MICU3: variants seen among roughly 807,000 people sequenced by gnomAD.
MICU3 encodes calcium uptake protein 3, mitochondrial.
Under a neutral mutation model 66.5 loss-of-function variants are expected in MICU3, and 62 were observed. The observed-to-expected ratio is 0.93, with a 90% confidence interval of 0.76 to 1.15. The LOEUF (loss-of-function observed/expected upper bound fraction) is 1.15, where lower values mean the gene tolerates loss of function less well. Among genes scored for constraint, MICU3 ranks in the 50% most tolerant of loss-of-function variants. The pLI, the probability that MICU3 is intolerant of heterozygous loss-of-function variation, is 0.00. For missense variants in MICU3, 779 were observed against 664.4 expected, an observed-to-expected ratio of 1.17 and a Z score of -1.90; for synonymous variants, 308 against 240.7, an observed-to-expected ratio of 1.28 and a Z score of -2.59.
chr8:17,040,080 G>T (rs977204034), intron 1 of MICU3, among the ~76,000 whole-genome samples: 1 of 151,690 alleles, frequency 6.6e-6, no homozygotes, highest in Non-Finnish European at 1.5e-5. Context: ...GCTAATTTTT[G>T]TATTTTTAGT....
At chr8:17,072,250 C>T (rs1002684931) in intron 3 of MICU3, among the ~76,000 whole-genome samples, 3 of 151,988 alleles carry the variant, frequency 2.0e-5, no homozygotes, top group Non-Finnish European at 2.9e-5. Context: ...GAAACAGATC[C>T]AGGTATATAT....
intron 1 of MICU3, among the ~76,000 whole-genome samples, chr8:17,034,705 A>G (rs1171486545): frequency 1.3e-5 from 2 of 152,240 alleles, no homozygotes; most frequent in African/African-American, 4.8e-5. Flanking sequence ...GAGAACTACA[A>G]TTAGAAATGG....
rs892058614 is a variant in MICU3, at chr8:17,082,967, A to C, written c.694+1227A>C. ...ACTGACTAGACTGAGCCAATTTATCAAGACGGGAATTACAACAGAGAAAGA... is the reference window on the plus strand; with the variant it reads ...ACTGACTAGACTGAGCCAATTTATCCAGACGGGAATTACAACAGAGAAAGA... On this transcript the variant is annotated intron_variant, in intron 5 of 14. Transcript: ENST00000318063. Among the ~76,000 whole-genome samples, 6 of 152,246 alleles carry C rather than the reference A, an allele frequency of 3.9e-5. No homozygotes were observed. The East Asian group carries it at 7.7e-4, about 20-fold the overall frequency.
intron 1 of MICU3, among the ~76,000 whole-genome samples, chr8:17,062,662 G>C (rs1056495869): frequency 6.6e-6 from 1 of 152,086 alleles, no homozygotes; most frequent in African/African-American, 2.4e-5. Context: ...TAAAATACGT[G>C]AAAGTATAAT....
chr8:17,038,952 CAAAAAAAA>C (rs57441494), intron 1 of MICU3, among the ~76,000 whole-genome samples: 1 of 120,148 alleles, frequency 8.3e-6, no homozygotes, highest in African/African-American at 2.7e-5. Context: ...GACTCTGTCT[CAAAAAAAA>C]AAAAAAATAA....
chr8:17,103,403 G>A (rs528141534), intron 9 of MICU3, among the ~76,000 whole-genome samples: 1 of 151,852 alleles, frequency 6.6e-6, no homozygotes, highest in East Asian at 1.9e-4. Flanking sequence ...TAAGAGTTCT[G>A]GACAAAAAGC....
At chr8:17,135,083 A>G in the MICU3 span, among the ~76,000 whole-genome samples, 1 of 152,196 alleles carries the variant, frequency 6.6e-6, no homozygotes. Flanking sequence ...TTCCTATAAT[A>G]TGCATACCTA....
chr8:17,054,413 A>C (rs1020977726), intron 1 of MICU3, among the ~76,000 whole-genome samples: 1 of 152,204 alleles, frequency 6.6e-6, no homozygotes, highest in Non-Finnish European at 1.5e-5. Context: ...AGGGAGTTTT[A>C]TATTTTGTTT....
At chr8:17,066,742 T>G (rs1232388508) in intron 2 of MICU3, among the ~76,000 whole-genome samples, 1 of 151,668 alleles carries the variant, frequency 6.6e-6, no homozygotes, top group Non-Finnish European at 1.5e-5. Flanking sequence ...AGAGAGGGTT[T>G]TGCTATGTTT....
At chr8:17,104,654 G>T (rs1292752514) in intron 10 of MICU3, among the ~76,000 whole-genome samples, 163 bp downstream of exon 10, 1 of 151,842 alleles carries the variant, frequency 6.6e-6, no homozygotes, top group Non-Finnish European at 1.5e-5. Context: ...CTACATACCA[G>T]TGGTTATATT....
chr8:17,091,382 T>C (rs74491968), intron 8 of MICU3, among the ~76,000 whole-genome samples: 2,632 of 152,196 alleles, frequency 0.017, 36 homozygotes, highest in Non-Finnish European at 0.028. Context: ...GATCCCTCAA[T>C]TTTTGCAAAT....
At chr8:17,052,809 C>T (rs1330790902) in intron 1 of MICU3, among the ~76,000 whole-genome samples, 2 of 152,122 alleles carry the variant, frequency 1.3e-5, no homozygotes, top group Admixed American at 6.6e-5. Flanking sequence ...TTAAATAAGC[C>T]TGAAGCCATT....
intron 1 of MICU3, among the ~76,000 whole-genome samples, chr8:17,063,146 G>GT (rs1283473806): frequency 6.6e-5 from 10 of 151,982 alleles, no homozygotes; most frequent in African/African-American, 2.4e-4. Context: ...GATATATATG[G>GT]TATAATCCCA....
At chr8:17,124,304 T>G (rs1422855927), downstream of MICU3, among the ~76,000 whole-genome samples, 1 of 152,182 alleles carries the variant, frequency 6.6e-6, no homozygotes, top group Non-Finnish European at 1.5e-5. Context: ...CCTTTGCAGT[T>G]TGCTTGTTTG....
At chr8:17,109,883 G>A (rs73194741) in intron 11 of MICU3, among the ~76,000 whole-genome samples, 18,373 of 152,116 alleles carry the variant, frequency 0.12, 1,457 homozygotes, top group Admixed American at 0.17. Flanking sequence ...TATAATTATT[G>A]TTATTAAGCT....
Position 17,027,513 on chromosome 8 carries a change from C to T in MICU3, c.234C>T (p.Val78=), listed in dbSNP as rs1412463075. Residue 78 remains valine (V), a synonymous_variant, in exon 1 of 15, where the codon GTC becomes GTT. Coordinates refer to ENST00000318063, the MANE Select transcript of MICU3 (RefSeq NM_181723.3). ...CGGCGGCGGCCGGCGGGGGGCTGGTCGGCCTGGTATGCTACCAGCTGTACG... is the reference window on the plus strand; with the variant it reads ...CGGCGGCGGCCGGCGGGGGGCTGGTTGGCCTGGTATGCTACCAGCTGTACG... The part of the protein sequence containing the change: ...SVAAAAGGGL[V]GLVCYQLYGD... 8.6e-6 allele frequency: 11 copies of T among 1,283,122 alleles called. No individual in the cohort carries two copies. Among genetic ancestry groups the T allele is most frequent in the South Asian group, 8.1e-5 (3 of 37,068 alleles). The allele number at this position is 1,283,122 out of a possible 1,614,324, so 79.5% of individuals were successfully genotyped here.
At chr8:17,098,822 T>A (rs1801000652) in intron 9 of MICU3, among the ~76,000 whole-genome samples, 1 of 151,786 alleles carries the variant, frequency 6.6e-6, no homozygotes, top group Non-Finnish European at 1.5e-5. Flanking sequence ...ACTGAATCTT[T>A]TAAGCTTACA....
chr8:17,073,282 C>A (rs1229313043), intron 3 of MICU3, among the ~76,000 whole-genome samples: 2 of 152,146 alleles, frequency 1.3e-5, no homozygotes, highest in Non-Finnish European at 2.9e-5. Context: ...AGCCACTCTC[C>A]ATCACTCATT....
intron 1 of MICU3, among the ~76,000 whole-genome samples, chr8:17,033,696 C>G (rs1377527645): frequency 1.3e-5 from 2 of 152,130 alleles, no homozygotes; most frequent in Non-Finnish European, 2.9e-5. Flanking sequence ...CTTGGCCTCC[C>G]AAATTGCTGG....
Sources: gnomAD v4.1 joint callset for allele counts (sites outside exome capture counted in the v4.1 genomes callset) on GRCh38, gnomAD v4.1.1 for gene constraint, MANE v1.5 for transcripts, NCBI Gene and HGNC (gene_info 2026-07-23, HGNC 2026-07-21) for gene names.